Variants in KATNB1 observed in about 807,000 individuals in gnomAD.
The protein encoded by KATNB1 is katanin p80 WD40 repeat-containing subunit B1.
A neutral mutation model predicts 82.3 loss-of-function variants in KATNB1; 38 were observed. That is an observed-to-expected ratio of 0.46 (90% confidence interval 0.36 to 0.61). The LOEUF (loss-of-function observed/expected upper bound fraction) is 0.61. Ranked by LOEUF, KATNB1 falls within the 20% of genes least tolerant of loss-of-function variation. The probability of loss-of-function intolerance (pLI) is 0.00; values close to 1 mark genes in which losing one functional copy is unlikely to be tolerated. For missense variants in KATNB1, 749 were observed against 915.7 expected, an observed-to-expected ratio of 0.82 and a Z score of 2.35; for synonymous variants, 361 against 368.7, an observed-to-expected ratio of 0.98 and a Z score of 0.24.
At chr16:57,741,373 T>A (rs893675554) in intron 2 of KATNB1, among the ~76,000 whole-genome samples, 2 of 152,262 alleles carry the variant, frequency 1.3e-5, no homozygotes, top group Non-Finnish European at 2.9e-5. Flanking sequence ...AAATAGCAAG[T>A]CAATTTTAAA....
At chr16:57,738,475 C>G (rs979053484) in intron 2 of KATNB1, among the ~76,000 whole-genome samples, 4 of 152,244 alleles carry the variant, frequency 2.6e-5, no homozygotes, top group Admixed American at 2.6e-4. Flanking sequence ...AGACTCGTCT[C>G]GAACCCCTGA....
At chr16:57,755,699 T>TA (rs1198357986) in intron 16 of KATNB1, 142 bp from the exon 17 acceptor site, 7 of 978,456 alleles carry the variant, frequency 7.2e-6, no homozygotes, top group Non-Finnish European at 1.0e-5. Flanking sequence ...TGCCTGGCCT[T>TA]ACACTCATTG....
intron 4 of KATNB1, among the ~76,000 whole-genome samples, chr16:57,745,482 G>A (rs1483286713): frequency 6.6e-6 from 1 of 151,090 alleles, no homozygotes; most frequent in Non-Finnish European, 1.5e-5. Context: ...AGAATCACCT[G>A]AACCCGGGAG....
Position 57,735,816 on chromosome 16 carries a change from G to C in KATNB1, c.-306G>C, listed in dbSNP as rs541924454. The stretch of plus-strand genomic sequence containing the variant: ...GGGGATGGAGGCAAGTGGGGGTCGC[G>C]CCTGGAGCGGAGCCTCGGCCTCCGG... On this transcript the variant is annotated 5_prime_UTR_variant, in exon 1 of 20. Coordinates refer to ENST00000379661, the MANE Select transcript of KATNB1 (RefSeq NM_005886.3). 2 of 152,610 alleles carry C rather than the reference G, an allele frequency of 1.3e-5. No homozygotes were observed. Among genetic ancestry groups the C allele is most frequent in the African/African-American group, 2.4e-5 (1 of 41,462 alleles). 9.5% of individuals were successfully genotyped at this position (152,610 alleles called of 1,614,324 possible).
intron 2 of KATNB1, among the ~76,000 whole-genome samples, chr16:57,739,581 A>T (rs1040236833): frequency 6.6e-6 from 1 of 152,152 alleles, no homozygotes. Context: ...AGCCAGGATG[A>T]AGGAGGAGCT....
At chr16:57,754,037 C>A (rs782290330) in intron 13 of KATNB1, 42 bp downstream of exon 13, 2 of 1,529,240 alleles carry the variant, frequency 1.3e-6, no homozygotes, top group African/African-American at 2.7e-5. Context: ...TCTGATGCCC[C>A]CCCGTCCCTC....
intron 13 of KATNB1, 59 bp downstream of exon 13, chr16:57,754,054 T>A: frequency 1.4e-6 from 2 of 1,431,786 alleles, no homozygotes; most frequent in South Asian, 2.4e-5. Context: ...CCTCATCTTC[T>A]CTTCCTGTGA....
chr16:57,750,256 C>T lies in KATNB1; in HGVS notation c.290-571C>T, dbSNP rs1555582639. On this transcript the variant is annotated intron_variant, in intron 4 of 19. Transcript: ENST00000379661. ...CCCTGGTTCTGCTTCCGCTGGAGCA[C>T]AGTCTGTGGGGAGAGTGTGGTACAA... Among the ~76,000 whole-genome samples, 3 of 152,328 alleles carry T rather than the reference C, an allele frequency of 2.0e-5. No homozygotes were observed. The East Asian group carries it at 5.8e-4, about 29-fold the overall frequency.
rs782629631 is a variant in KATNB1 at position 57,753,919 on chromosome 16, C to T, written c.1178-26C>T. 5 of 1,612,456 alleles carry T rather than the reference C, an allele frequency of 3.1e-6. No homozygotes were observed. The African/African-American group carries it at 5.3e-5, about 17-fold the overall frequency. On this transcript the variant is annotated intron_variant, in intron 12 of 19. Coordinates refer to ENST00000379661, the MANE Select transcript of KATNB1 (RefSeq NM_005886.3). ...CAGGTGGCCTGGCCAGGAGCGCTCA[C>T]AGCCAGGGGCCTCTTTCCTCTGCAG... is the stretch of plus-strand genomic sequence containing the variant.
chr16:57,744,345 G>A (rs1161196843), intron 3 of KATNB1, 49 bp from the exon 4 acceptor site: 2 of 1,495,344 alleles, frequency 1.3e-6, no homozygotes, highest in Non-Finnish European at 1.9e-6. Context: ...GGGCGCAACT[G>A]CAGGGGTCTG....
intron 4 of KATNB1, among the ~76,000 whole-genome samples, chr16:57,749,361 G>A (rs77680034): frequency 0.022 from 3,314 of 152,316 alleles, 105 homozygotes; most frequent in African/African-American, 0.076. Context: ...AGTGAGGAGC[G>A]GAGCCAAGGC....
chr16:57,755,071 CAG>C (rs1555585180), intron 14 of KATNB1, 46 bp from the exon 15 acceptor site: 11 of 1,613,210 alleles, frequency 6.8e-6, no homozygotes, highest in South Asian at 2.2e-5. Flanking sequence ...CCTCGGGAGG[CAG>C]AGAGGGAGGC....
intron 8 of KATNB1, 144 bp downstream of exon 8, chr16:57,752,199 G>T: frequency 1.5e-6 from 1 of 680,904 alleles, no homozygotes; most frequent in Non-Finnish European, 2.6e-6. Flanking sequence ...GATTTCAGCC[G>T]AGCCAGGACT....
intron 3 of KATNB1, 124 bp from the exon 4 acceptor site, chr16:57,744,270 C>T: frequency 2.5e-6 from 2 of 793,698 alleles, no homozygotes; most frequent in African/African-American, 1.7e-5. Context: ...CTGTGGCCCC[C>T]ATGGGGCTCC....
Position 57,753,956 on chromosome 16 carries a change from C to T in KATNB1, c.1189C>T (p.Pro397Ser). ...TCTTTCCTCTGCAGGTCGGACGCCA[C>T]CCCGGAGAAGTGAGCCCTTCCCTGC... ...QPKNSISRTP[P>S]RRSEPFPAPP... Residue 397 changes from proline to serine, a missense_variant, in exon 13 of 20, where the codon CCC (proline) becomes TCC (serine). By Grantham distance (74) the Pro-to-Ser change is moderately conservative. Coordinates refer to ENST00000379661, the MANE Select transcript of KATNB1 (RefSeq NM_005886.3). 1 of 1,613,504 alleles carries T rather than the reference C, an allele frequency of 6.2e-7. No individual in the cohort carries two copies.
Position 57,751,835 on chromosome 16 carries a change from C to G in KATNB1, c.517-105C>G, listed in dbSNP as rs2049230404. The G allele has an allele frequency of 8.6e-6, 12 of 1,398,642 alleles. No individual in the cohort carries two copies. In the South Asian group the frequency reaches 1.0e-4, roughly 12 times the overall value. 86.6% of individuals were successfully genotyped at this position (1,398,642 alleles called of 1,614,324 possible). On this transcript the variant is annotated intron_variant, in intron 7 of 19. Transcript: ENST00000379661. The surrounding 1 kb of genome is among the most constrained non-coding windows in gnomAD (Gnocchi z 6.3). ...CGGGCTCACATGTCCCAAGCCTATC[C>G]CGAGTGGAAGGTAGCTTGTGGATAA...
intron 3 of KATNB1, among the ~76,000 whole-genome samples, chr16:57,742,135 G>A (rs2049148629): frequency 1.3e-5 from 2 of 152,202 alleles, no homozygotes; most frequent in African/African-American, 4.8e-5. Flanking sequence ...ATAAGCCCTG[G>A]GCCTGTGGTT....
chr16:57,756,701 C>T (rs1567904943), intron 19 of KATNB1, 113 bp from the exon 20 acceptor site: 2 of 1,429,868 alleles, frequency 1.4e-6, no homozygotes, highest in Non-Finnish European at 1.8e-6. Context: ...CCCTCTGGGC[C>T]TCCGCCTTCC....
rs74928159 is a variant in KATNB1 at position 57,742,441 on chromosome 16, G to T, written c.171+624G>T. Reference sequence around the variant, plus strand: ...GCCACCACAGTTGGTGTTTTGGTGTGAGTCCTTCTAGATGCTGAGACAGAT... The same window carrying T: ...GCCACCACAGTTGGTGTTTTGGTGTTAGTCCTTCTAGATGCTGAGACAGAT... On this transcript the variant is annotated intron_variant, in intron 3 of 19. Coordinates refer to ENST00000379661, the MANE Select transcript of KATNB1 (RefSeq NM_005886.3). Among the ~76,000 whole-genome samples, 1,504 of 152,372 alleles carry T rather than the reference G, an allele frequency of 9.9e-3. 23 individuals carry two copies. The highest frequency in any genetic ancestry group is 0.035 in the African/African-American group (1,437 of 41,582).
Sources: gnomAD v4.1 joint callset for allele counts (sites outside exome capture counted in the v4.1 genomes callset) on GRCh38, gnomAD v4.1.1 for gene constraint, Gnocchi (gnomAD v3.1) non-coding constraint, MANE v1.5 for transcripts, NCBI Gene and HGNC (gene_info 2026-07-23, HGNC 2026-07-21) for gene names.